Variants in TRPM1 observed in about 807,000 individuals in gnomAD.
TRPM1 encodes TRPM1-203 APA Isoform, Intron 10.
Under a neutral mutation model 149.4 loss-of-function variants are expected in TRPM1, and 113 were observed. The ratio of observed to expected loss-of-function variants is 0.76; its 90% CI spans 0.65 to 0.88. The LOEUF (loss-of-function observed/expected upper bound fraction) is 0.88, where lower values mean the gene tolerates loss of function less well. TRPM1 is among the 40% of genes least tolerant of loss of function. TRPM1 has a pLI of 0.00. For synonymous variants in TRPM1, 741 were observed against 759.5 expected (o/e 0.98, Z 0.40); for missense variants, 1,976 against 2,038.7 (o/e 0.97, Z 0.59).
At position 31,040,313 on chromosome 15, in the gene TRPM1, G is replaced by A. The variant is rs780594569; in HGVS notation, c.2121C>T (p.Asp707=). The stretch of plus-strand genomic sequence containing the variant: ...TCTGCTCGTCATGCTTATAGGACTG[G>A]TCTAATAACTCCAAAGCAAGCTGGC... ...DFGQLALELL[D]QSYKHDEQIA... Residue 707 remains aspartate (D), a synonymous_variant, in exon 18 of 28, where the codon GAC becomes GAT. Coordinates refer to ENST00000256552, the MANE Select transcript of TRPM1 (RefSeq NM_001252024.2). The surrounding 1 kb of genome is among the most constrained non-coding windows in gnomAD (Gnocchi z 4.2). 6.2e-7 allele frequency: 1 copy of A among 1,614,182 alleles called. No individual in the cohort carries two copies. The highest frequency in any genetic ancestry group is 8.5e-7 in the Non-Finnish European group (1 of 1,180,026).
chr15:31,113,770 T>G (rs926714489), intron 1 of TRPM1, among the ~76,000 whole-genome samples: 1 of 152,192 alleles, frequency 6.6e-6, no homozygotes, highest in East Asian at 1.9e-4. Context: ...CCGGTGAGTG[T>G]TACAGCTCTT....
Position 31,040,278 on chromosome 15 carries a change from T to G in TRPM1, c.2156A>C (p.Lys719Thr). ...SYKHDEQIAM[K>T]LLTYELKNWS... ...GTTTTTCAGCTCGTAGGTCAGGAGT[T>G]TCATAGCGATCTGCTCGTCATGCTT... Residue 719 changes from lysine to threonine, a missense_variant, in exon 18 of 28, where the codon AAA becomes ACA. Coordinates refer to ENST00000256552, the MANE Select transcript of TRPM1 (RefSeq NM_001252024.2). This position sits in a 1 kb window ranked among gnomAD's most constrained non-coding sequence, Gnocchi z 4.2. 6.2e-7 allele frequency: 1 copy of G among 1,614,026 alleles called. No homozygotes were observed. Among genetic ancestry groups the G allele is most frequent in the Non-Finnish European group, 8.5e-7 (1 of 1,179,934 alleles).
chr15:31,153,984 C>A (rs907527456), intron 1 of TRPM1, among the ~76,000 whole-genome samples: 1 of 152,148 alleles, frequency 6.6e-6, no homozygotes, highest in Admixed American at 6.5e-5. Context: ...GTCTCTTGGA[C>A]CCCAGTACTC....
chr15:31,051,875 G>C (rs752555812), intron 11 of TRPM1, among the ~76,000 whole-genome samples: 2 of 152,118 alleles, frequency 1.3e-5, no homozygotes, highest in Non-Finnish European at 1.5e-5. Context: ...CCTCTTCCAG[G>C]GTCCCTTATC....
At chr15:31,062,337 T>G (rs1251043812) in intron 9 of TRPM1, among the ~76,000 whole-genome samples, 2 of 151,740 alleles carry the variant, frequency 1.3e-5, no homozygotes, top group Non-Finnish European at 2.9e-5. Flanking sequence ...CCTCAGAGGG[T>G]GTTGTGTGGT....
At position 31,040,389 on chromosome 15, in the gene TRPM1, G is replaced by A. The variant is rs144554668; in HGVS notation, c.2088-43C>T. The A allele has an allele frequency of 1.2e-5, 18 of 1,553,924 alleles. No individual in the cohort carries two copies. In the African/African-American group the frequency reaches 1.5e-4, roughly 13 times the overall value. On this transcript the variant is annotated intron_variant, in intron 17 of 27. Coordinates refer to ENST00000256552, the MANE Select transcript of TRPM1 (RefSeq NM_001252024.2). This position sits in a 1 kb window ranked among gnomAD's most constrained non-coding sequence, Gnocchi z 4.2. The stretch of plus-strand genomic sequence containing the variant: ...GGACCAGGGTGAAGCCACAGTGGCC[G>A]CAAGCTGTTTCTTAGACAGGCATAT...
rs774590711 is a variant in TRPM1, at chr15:31,047,217, A to G, written c.1658T>C (p.Ile553Thr). ...GTACTCCAGCACGAGCCCGATGTCT[A>G]TGAGGCTGATGTGGTAATCAGGCGG... The part of the protein sequence containing the change: ...NLPPDYHISL[I>T]DIGLVLEYLM... Residue 553 changes from isoleucine to threonine, a missense_variant, in exon 15 of 28, where the codon ATA becomes ACA. Coordinates refer to ENST00000256552, the MANE Select transcript of TRPM1 (RefSeq NM_001252024.2). 8.1e-6 allele frequency: 13 copies of G among 1,614,218 alleles called. No individual in the cohort carries two copies. Among genetic ancestry groups the G allele is most frequent in the Non-Finnish European group, 1.1e-5 (13 of 1,180,038 alleles).
chr15:31,088,713 G>A (rs1326645822), intron 1 of TRPM1, among the ~76,000 whole-genome samples: 6 of 151,978 alleles, frequency 3.9e-5, no homozygotes, highest in Non-Finnish European at 4.4e-5. Flanking sequence ...GCCGTCGTAT[G>A]AGATTGACTG....
chr15:31,101,830 G>T, upstream of TRPM1: 1 of 597,376 alleles, frequency 1.7e-6, no homozygotes, highest in Non-Finnish European at 2.1e-6. Flanking sequence ...ATGGCCCCAT[G>T]ACCTGACTCC....
chr15:31,001,457 T>C lies in TRPM1; in HGVS notation c.*365A>G. ...TGCTAGGATTACAGGCATGAGCCAC[T>C]GTGCCCAGCTAGTTGCTTACTTCTT... On this transcript the variant is annotated 3_prime_UTR_variant, in exon 28 of 28. Coordinates refer to ENST00000256552, the MANE Select transcript of TRPM1 (RefSeq NM_001252024.2). The C allele has an allele frequency of 3.9e-6, 1 of 253,756 alleles. No homozygotes were observed. The highest frequency in any genetic ancestry group is 7.6e-6 in the Non-Finnish European group (1 of 131,810). The allele number at this position is 253,756 out of a possible 1,614,324, so 15.7% of individuals were successfully genotyped here. A position where few individuals can be genotyped will look rare whatever the true frequency, so the allele number is the denominator to read the frequency against.
chr15:31,052,319 C>T (rs1340546828), intron 11 of TRPM1, among the ~76,000 whole-genome samples: 1 of 152,074 alleles, frequency 6.6e-6, no homozygotes, highest in Non-Finnish European at 1.5e-5. Context: ...CAGATAAAAC[C>T]GTTATGGTCC....
intron 27 of TRPM1, among the ~76,000 whole-genome samples, chr15:31,018,302 C>T (rs554613795): frequency 3.0e-4 from 45 of 152,166 alleles, no homozygotes; most frequent in African/African-American, 9.4e-4. Context: ...CTGCCCGCCT[C>T]GGCCTCCCAA....
At chr15:31,148,061 G>A (rs2036244970) in intron 1 of TRPM1, among the ~76,000 whole-genome samples, 1 of 152,202 alleles carries the variant, frequency 6.6e-6, no homozygotes, top group African/African-American at 2.4e-5. Context: ...AGGTCAAGGA[G>A]GGACAACAGG....
At chr15:31,050,704 T>C in intron 11 of TRPM1, 122 bp from the exon 12 acceptor site, 2 of 1,057,632 alleles carry the variant, frequency 1.9e-6, no homozygotes, top group South Asian at 2.6e-5. Context: ...GCACACAATG[T>C]ACATGTGCAC....
intron 1 of TRPM1, among the ~76,000 whole-genome samples, chr15:31,153,204 G>A (rs2036325960): frequency 3.3e-5 from 5 of 152,134 alleles, no homozygotes; most frequent in Admixed American, 3.3e-4. Flanking sequence ...ACCTTTTTAT[G>A]TCTGATAAGA....
intron 1 of TRPM1, among the ~76,000 whole-genome samples, chr15:31,135,391 T>A (rs1424573452): frequency 1.3e-5 from 2 of 152,116 alleles, no homozygotes; most frequent in South Asian, 4.1e-4. Flanking sequence ...GATAAATGCA[T>A]ACAATTTTTA....
In TRPM1 at chr15:31,050,597, A is replaced by C; in HGVS notation, c.1264-15T>G. 1.2e-6 allele frequency: 2 copies of C among 1,613,944 alleles called. No individual in the cohort carries two copies. Among genetic ancestry groups the C allele is most frequent in the Non-Finnish European group, 1.7e-6 (2 of 1,179,974 alleles). On this transcript the variant is annotated splice_polypyrimidine_tract_variant and intron_variant, in intron 11 of 27. Coordinates refer to ENST00000256552, the MANE Select transcript of TRPM1 (RefSeq NM_001252024.2). The stretch of plus-strand genomic sequence containing the variant: ...CTTCCCAGGGGCTGCAGTCCACAGC[A>C]ATCAGAGTTGGGAAATGGTACTAAG...
chr15:31,009,743 TC>T (rs1393395432), intron 27 of TRPM1, among the ~76,000 whole-genome samples: 20 of 152,184 alleles, frequency 1.3e-4, no homozygotes, highest in African/African-American at 4.8e-4. Flanking sequence ...CCATTTACTC[TC>T]TTGTTCAAAT....
intron 1 of TRPM1, among the ~76,000 whole-genome samples, chr15:31,090,695 G>T (rs1358567574): frequency 6.6e-6 from 1 of 151,446 alleles, no homozygotes; most frequent in Non-Finnish European, 1.5e-5. Flanking sequence ...TTCCCAACAA[G>T]TCTGAATGGT....
Sources: gnomAD v4.1 joint callset for allele counts (sites outside exome capture counted in the v4.1 genomes callset) on GRCh38, gnomAD v4.1.1 for gene constraint, Gnocchi (gnomAD v3.1) non-coding constraint, MANE v1.5 for transcripts, NCBI Gene and HGNC (gene_info 2026-07-23, HGNC 2026-07-21) for gene names.